MYO9B: variants seen among roughly 807,000 people sequenced by gnomAD.
MYO9B encodes the protein unconventional myosin-IXb.
A neutral mutation model predicts 229.5 loss-of-function variants in MYO9B; 71 were observed. The observed-to-expected ratio is 0.31, with a 90% confidence interval of 0.26 to 0.38. The LOEUF (loss-of-function observed/expected upper bound fraction) is 0.38, where lower values mean the gene tolerates loss of function less well. MYO9B is among the 10% of genes least tolerant of loss of function. The pLI is 1.00. For missense variants in MYO9B, 2,255 were observed against 2,920.5 expected, an observed-to-expected ratio of 0.77 and a Z score of 5.25; for synonymous variants, 1,185 against 1,235.8, an observed-to-expected ratio of 0.96 and a Z score of 0.86.
chr19:17,086,495 G>T (rs1004914351), intron 1 of MYO9B, among the ~76,000 whole-genome samples: 1 of 152,182 alleles, frequency 6.6e-6, no homozygotes, highest in Non-Finnish European at 1.5e-5. Flanking sequence ...TTTGCTGTGG[G>T]GGCCGTGCTG....
chr19:17,183,139 CT>C (rs2072880187), intron 15 of MYO9B, among the ~76,000 whole-genome samples: 2 of 152,176 alleles, frequency 1.3e-5, no homozygotes, highest in South Asian at 4.1e-4. Flanking sequence ...CCAGGCTGGC[CT>C]TGAACTCCTG....
intron 2 of MYO9B, among the ~76,000 whole-genome samples, chr19:17,109,755 G>A (rs890571828): frequency 6.6e-6 from 1 of 152,138 alleles, no homozygotes; most frequent in African/African-American, 2.4e-5. Flanking sequence ...TCCCTCCGTC[G>A]TCACCTGGTC....
Position 17,195,114 on chromosome 19 carries a change from G to C in MYO9B, c.3687G>C (p.Lys1229Asn). 6.2e-7 allele frequency: 1 copy of C among 1,612,672 alleles called. No homozygotes were observed. The highest frequency in any genetic ancestry group is 8.5e-7 in the Non-Finnish European group (1 of 1,179,774). ...AACCCCAGGCCATGGCAGTTGGCAA[G>C]GTCTCTGAAGAAACTGAGAAGACGC... is the stretch of plus-strand genomic sequence containing the variant. ...TEQPQAMAVG[K>N]VSEETEKTLP... The change falls in exon 22 of 40, where the codon AAG becomes AAC. Residue 1229 changes from lysine (K) to asparagine (N), a missense_variant. Transcript: ENST00000682292. This position sits in a 1 kb window ranked among gnomAD's most constrained non-coding sequence, Gnocchi z 4.5.
chr19:17,144,469 T>C (rs1381619848), intron 2 of MYO9B, among the ~76,000 whole-genome samples: 1 of 150,730 alleles, frequency 6.6e-6, no homozygotes, highest in Non-Finnish European at 1.5e-5. Flanking sequence ...TGGTGGTGCA[T>C]GCCTGTGGTC....
chr19:17,092,528 C>G (rs2123482468), intron 1 of MYO9B, among the ~76,000 whole-genome samples: 1 of 152,210 alleles, frequency 6.6e-6, no homozygotes, highest in South Asian at 2.1e-4. Context: ...AAGTTGGAGA[C>G]CAGCCTGGCC....
chr19:17,184,628 C>G, intron 16 of MYO9B: 1 of 473,900 alleles, frequency 2.1e-6, no homozygotes, highest in Non-Finnish European at 3.8e-6. Flanking sequence ...GCCACTCAGG[C>G]TGTGAAAGAG....
chr19:17,078,488 C>A (rs2057506420), intron 1 of MYO9B, among the ~76,000 whole-genome samples: 1 of 152,018 alleles, frequency 6.6e-6, no homozygotes, highest in African/African-American at 2.4e-5. Flanking sequence ...TGCAGCCAGC[C>A]AAGATTGCGC....
Position 17,153,157 on chromosome 19 carries a change from G to T in MYO9B, c.998+451G>T, listed in dbSNP as rs558117608. ...CTCTGTTTTTGGTTGGTTGGTTGGG[G>T]TTTTTTTGGTTTGTTTGTTTGTTTG... On this transcript the variant is annotated intron_variant, in intron 4 of 39. Transcript: ENST00000682292. Among the ~76,000 whole-genome samples, 40 of 104,486 alleles carry T rather than the reference G, an allele frequency of 3.8e-4. No homozygotes were observed. In the Middle Eastern group the frequency reaches 0.018, roughly 46 times the overall value. The allele number at this position is 104,486 out of a possible 152,430, so 68.5% of individuals were successfully genotyped here.
intron 13 of MYO9B, among the ~76,000 whole-genome samples, chr19:17,174,253 G>A (rs1049898421): frequency 2.5e-4 from 38 of 151,790 alleles, no homozygotes; most frequent in African/African-American, 8.9e-4. Context: ...GGATGGTCTC[G>A]ATCTCCTGAC....
chr19:17,134,575 G>A (rs2072246166), intron 2 of MYO9B, among the ~76,000 whole-genome samples: 1 of 151,316 alleles, frequency 6.6e-6, no homozygotes, highest in African/African-American at 2.4e-5. Flanking sequence ...TGTTCTAGTA[G>A]AGATGAGATT....
intron 1 of MYO9B, among the ~76,000 whole-genome samples, chr19:17,087,304 C>T (rs537712021): frequency 5.1e-4 from 78 of 152,112 alleles, no homozygotes; most frequent in African/African-American, 1.7e-3. Context: ...TTCTCCAGGG[C>T]GTGGGGTTTA....
At chr19:17,176,590 G>A (rs2072792428) in intron 14 of MYO9B, among the ~76,000 whole-genome samples, 1 of 152,196 alleles carries the variant, frequency 6.6e-6, no homozygotes, top group Admixed American at 6.6e-5. Flanking sequence ...ATAGCAGGCC[G>A]TGGTGCATCA....
intron 1 of MYO9B, among the ~76,000 whole-genome samples, chr19:17,100,277 C>G (rs1177917072): frequency 1.3e-5 from 2 of 151,992 alleles, no homozygotes; most frequent in Admixed American, 6.6e-5. Flanking sequence ...TGAGACCAGC[C>G]TGGCCAACAT....
chr19:17,080,702 T>C (rs75027111), intron 1 of MYO9B, among the ~76,000 whole-genome samples: 9,784 of 152,080 alleles, frequency 0.064, 343 homozygotes, highest in South Asian at 0.11. Flanking sequence ...ATCCCATCTC[T>C]ACAAAAAAAT....
rs771992642 is a variant in MYO9B, at chr19:17,154,297, C to T, written c.1099-18C>T. 2.0e-5 allele frequency: 32 copies of T among 1,607,444 alleles called. No homozygotes were observed. The highest frequency in any genetic ancestry group is 2.6e-5 in the Non-Finnish European group (30 of 1,175,080). On this transcript the variant is annotated intron_variant, in intron 5 of 39. Coordinates refer to ENST00000682292, the MANE Select transcript of MYO9B (RefSeq NM_004145.4). ...CCGGCCCAGGAATGCCCAGAGTACC[C>T]ATGCCTTTGTTTTCCAGCATAACTT...
At chr19:17,131,884 G>T (rs1362075731) in intron 2 of MYO9B, among the ~76,000 whole-genome samples, 1 of 151,694 alleles carries the variant, frequency 6.6e-6, no homozygotes, top group Non-Finnish European at 1.5e-5. Context: ...TAATTTTTTT[G>T]GGGGGTGGGG....
At chr19:17,105,565 G>A (rs1322395468) in intron 2 of MYO9B, among the ~76,000 whole-genome samples, 1 of 152,082 alleles carries the variant, frequency 6.6e-6, no homozygotes, top group Admixed American at 6.6e-5. Context: ...TTGCTGAATT[G>A]TAGCTCATTA....
chr19:17,146,158 GATA>G (rs2072407318), intron 3 of MYO9B, among the ~76,000 whole-genome samples: 7 of 81,360 alleles, frequency 8.6e-5, no homozygotes, highest in African/African-American at 1.4e-4. Context: ...TGGGTGGGTG[GATA>G]GATGGATGGA....
Position 17,154,345 on chromosome 19 carries a change from C to G in MYO9B, c.1129C>G (p.Leu377Val), listed in dbSNP as rs375232475. The G allele has an allele frequency of 6.2e-6, 10 of 1,613,078 alleles. No homozygotes were observed. The highest frequency in any genetic ancestry group is 8.5e-6 in the Non-Finnish European group (10 of 1,179,286). ...CTTGAAGATTGAAGATGGGGAGGAC[C>G]TGAAGCATGACTTTGAGAGGCTCAA... ...HNLKIEDGED[L>V]KHDFERLKQA... Residue 377 changes from leucine to valine, a missense_variant, in exon 6 of 40, where the codon CTG becomes GTG. Around this residue, in one of 7 missense-constraint regions of MYO9B, gnomAD observed 386 missense variants for 515.2 expected, o/e 0.75. Coordinates refer to ENST00000682292, the MANE Select transcript of MYO9B (RefSeq NM_004145.4).
Sources: gnomAD v4.1 joint callset for allele counts (sites outside exome capture counted in the v4.1 genomes callset) on GRCh38, gnomAD v4.1.1 for gene constraint, gnomAD v4.1.1 regional missense constraint, Gnocchi (gnomAD v3.1) non-coding constraint, MANE v1.5 for transcripts, NCBI Gene and HGNC (gene_info 2026-07-23, HGNC 2026-07-21) for gene names.